The following TENT4B variants were observed in gnomAD, a reference collection of about 807,000 sequenced individuals.
TENT4B encodes the protein terminal nucleotidyltransferase 4B, also known as PAP associated domain containing 5.
TENT4B carries 10 observed loss-of-function variants against 75.0 expected under a neutral mutation model. The observed-to-expected ratio is 0.13, with a 90% CI of 0.08 to 0.23. TENT4B has a LOEUF of 0.23. Ranked by LOEUF, TENT4B falls within the 10% of genes least tolerant of loss-of-function variation. The pLI is 1.00. For synonymous variants in TENT4B, 350 were observed against 357.7 expected (o/e 0.98, Z 0.24); for missense variants, 579 against 893.8 (o/e 0.65, Z 4.49).
chr16:50,153,045 A>G, upstream of TENT4B: 1 of 1,495,476 alleles, frequency 6.7e-7, no homozygotes, highest in Non-Finnish European at 8.9e-7. Context: ...ACGTGGGAGC[A>G]CTCCACAGAT....
chr16:50,185,909 T>C (rs1332520996), intron 1 of TENT4B, among the ~76,000 whole-genome samples: 3 of 152,180 alleles, frequency 2.0e-5, no homozygotes, highest in Non-Finnish European at 4.4e-5. Flanking sequence ...TAGTACACTA[T>C]TGTCTGTATT....
Position 50,217,940 on chromosome 16 carries a change from ATTTTT to A in TENT4B, c.1038+289_1038+293del, listed in dbSNP as rs758049566. Among the ~76,000 whole-genome samples, 391 of 131,670 alleles carry A rather than the reference ATTTTT, an allele frequency of 3.0e-3. 3 individuals carry two copies. Among genetic ancestry groups the A allele is most frequent in the African/African-American group, 0.01 (376 of 36,184 alleles). 86.4% of individuals were successfully genotyped at this position (131,670 alleles called of 152,430 possible). On this transcript the variant is annotated intron_variant, in intron 5 of 11. Transcript: ENST00000561678. ...GCCACTACACCTGGCTATTTTTTGTATTTTTTTTTTTTTTTTAGTGTTGGGGTCTC... is the reference window on the plus strand; with the variant it reads ...GCCACTACACCTGGCTATTTTTTGTATTTTTTTTTTTAGTGTTGGGGTCTC...
At chr16:50,164,431 C>G (rs566732962) in intron 1 of TENT4B, among the ~76,000 whole-genome samples, 37 of 152,148 alleles carry the variant, frequency 2.4e-4, no homozygotes, top group African/African-American at 8.9e-4. Flanking sequence ...GCCTCAGCCT[C>G]CCGAGTAGCT....
rs869060811 is a variant in TENT4B at position 50,182,891 on chromosome 16, C to CTTTTTTTTTTTTTTTTTTTTTTTTTTTT, written c.639-28428_639-28401dup. 3.3e-4 allele frequency among the ~76,000 whole-genome samples: 12 copies of CTTTTTTTTTTTTTTTTTTTTTTTTTTTT among 36,470 alleles called. 4 individuals are homozygous for CTTTTTTTTTTTTTTTTTTTTTTTTTTTT. Among genetic ancestry groups the CTTTTTTTTTTTTTTTTTTTTTTTTTTTT allele is most frequent in the East Asian group, 1.2e-3 (1 of 848 alleles). The allele number at this position is 36,470 out of a possible 152,430, so 23.9% of individuals were successfully genotyped here. On this transcript the variant is annotated intron_variant, in intron 1 of 11. Transcript: ENST00000561678. ...CCAAGTACAGCAAGTTTTATTTTAC[C>CTTTTTTTTTTTTTTTTTTTTTTTTTTTT]TTTTTTTTTTTTTTTTTTTTTTTTT...
intron 5 of TENT4B, among the ~76,000 whole-genome samples, chr16:50,221,951 A>G (rs1432671302): frequency 6.6e-6 from 1 of 151,996 alleles, no homozygotes; most frequent in East Asian, 1.9e-4. Flanking sequence ...TTTAGTAGAG[A>G]TAGGCGTTTC....
At chr16:50,154,909 A>G (rs1462861468) in intron 1 of TENT4B, among the ~76,000 whole-genome samples, 3 of 152,110 alleles carry the variant, frequency 2.0e-5, no homozygotes, top group African/African-American at 4.8e-5. Flanking sequence ...GTGGCGTGGG[A>G]TGGGTGACCA....
chr16:50,234,258 T>C lies in TENT4B; in HGVS notation c.*4930T>C. 1.0e-6 allele frequency: 1 copy of C among 985,380 alleles called. No individual in the cohort carries two copies. The highest frequency in any genetic ancestry group is 4.7e-5 in the South Asian group (1 of 21,274). 61.0% of individuals were successfully genotyped at this position (985,380 alleles called of 1,614,324 possible). ...GGCTTGAGGCTGGGAGTTTGAGACC[T>C]TCATCTCTTAAAAAAACAAACAAAA... On this transcript the variant is annotated 3_prime_UTR_variant, in exon 12 of 12. Coordinates refer to ENST00000561678, the MANE Select transcript of TENT4B (RefSeq NM_001365324.3).
At chr16:50,158,615 C>T (rs2037945347) in intron 1 of TENT4B, among the ~76,000 whole-genome samples, 2 of 152,166 alleles carry the variant, frequency 1.3e-5, no homozygotes, top group Admixed American at 1.3e-4. Flanking sequence ...GCCCTGGGTC[C>T]AGAAACTTCT....
At chr16:50,199,242 C>G (rs975077003) in intron 1 of TENT4B, among the ~76,000 whole-genome samples, 1 of 152,362 alleles carries the variant, frequency 6.6e-6, no homozygotes, top group East Asian at 1.9e-4. Context: ...GGCCCATGAC[C>G]ATGGGGATGC....
At chr16:50,163,417 CTTT>C (rs559720798) in intron 1 of TENT4B, among the ~76,000 whole-genome samples, 3 of 132,964 alleles carry the variant, frequency 2.3e-5, no homozygotes, top group Non-Finnish European at 3.3e-5. Flanking sequence ...GATATAATTT[CTTT>C]TTTTTTTTTT....
rs2032243940 is a variant in TENT4B at position 50,230,274 on chromosome 16, T to C, written c.*946T>C. 1 of 981,456 alleles carries C rather than the reference T, an allele frequency of 1.0e-6. No individual in the cohort carries two copies. The highest frequency in any genetic ancestry group is 1.2e-6 in the Non-Finnish European group (1 of 829,280). The allele number at this position is 981,456 out of a possible 1,614,324, so 60.8% of individuals were successfully genotyped here. On this transcript the variant is annotated 3_prime_UTR_variant, in exon 12 of 12. Coordinates refer to ENST00000561678, the MANE Select transcript of TENT4B (RefSeq NM_001365324.3). ...TGTTTGCTTCCTTTGCAGTCTTTTT[T>C]TTTTCCCCCCATTTCTTCCTAATAG...
At chr16:50,183,756 C>G (rs2038470532) in intron 1 of TENT4B, among the ~76,000 whole-genome samples, 1 of 152,032 alleles carries the variant, frequency 6.6e-6, no homozygotes, top group Non-Finnish European at 1.5e-5. Flanking sequence ...AAGAATTGGG[C>G]AGATTTGGCC....
chr16:50,205,716 GA>G (rs2030925832), intron 1 of TENT4B, among the ~76,000 whole-genome samples: 1 of 150,878 alleles, frequency 6.6e-6, no homozygotes, highest in Admixed American at 6.6e-5. Flanking sequence ...TCAGCCTCCC[GA>G]GTAGCTGGAA....
chr16:50,171,185 G>C (rs2038199337), intron 1 of TENT4B, among the ~76,000 whole-genome samples: 1 of 152,110 alleles, frequency 6.6e-6, no homozygotes, highest in African/African-American at 2.4e-5. Context: ...AGGGTTGCTT[G>C]AGCCCAGGAG....
At chr16:50,213,484 G>T (rs995358101) in intron 2 of TENT4B, among the ~76,000 whole-genome samples, 3 of 152,166 alleles carry the variant, frequency 2.0e-5, no homozygotes, top group Non-Finnish European at 4.4e-5. Flanking sequence ...GTTCTTTGTG[G>T]AATTGACCTA....
At chr16:50,199,431 A>G (rs2030493186) in intron 1 of TENT4B, among the ~76,000 whole-genome samples, 1 of 152,242 alleles carries the variant, frequency 6.6e-6, no homozygotes, top group Non-Finnish European at 1.5e-5. Flanking sequence ...GGCATACTGG[A>G]GCAGCATTTA....
chr16:50,205,436 C>T (rs2150727475), intron 1 of TENT4B, among the ~76,000 whole-genome samples: 1 of 152,158 alleles, frequency 6.6e-6, no homozygotes, highest in East Asian at 1.9e-4. Context: ...TGCCTGTGCC[C>T]TCCACTGGGC....
At chr16:50,186,054 A>T (rs1348052797) in intron 1 of TENT4B, among the ~76,000 whole-genome samples, 1 of 152,194 alleles carries the variant, frequency 6.6e-6, no homozygotes, top group Admixed American at 6.5e-5. Context: ...TAAAATATAC[A>T]TAAGATAAAA....
chr16:50,183,333 C>T (rs893063182), intron 1 of TENT4B, among the ~76,000 whole-genome samples: 1 of 151,914 alleles, frequency 6.6e-6, no homozygotes, highest in African/African-American at 2.4e-5. Context: ...TGTGAGCCAC[C>T]GTGCCTGGCT....
Sources: allele counts gnomAD v4.1 joint callset (sites outside exome capture counted in the v4.1 genomes callset), GRCh38; gene constraint gnomAD v4.1.1; transcripts MANE v1.5; gene names NCBI Gene and HGNC (gene_info 2026-07-23, HGNC 2026-07-21).